PLA2G6: variants seen among roughly 807,000 people sequenced by gnomAD.
PLA2G6 encodes phospholipase A2 group VI.
Under a neutral mutation model 83.8 loss-of-function variants are expected in PLA2G6, and 62 were observed. The ratio of observed to expected loss-of-function variants is 0.74; its 90% CI spans 0.60 to 0.91. PLA2G6 has a LOEUF of 0.91. Among genes scored for constraint, PLA2G6 ranks in the 40% least tolerant of loss-of-function variants. PLA2G6 has a pLI of 0.00. For synonymous variants in PLA2G6, 417 were observed against 449.8 expected (o/e 0.93, Z 0.92); for missense variants, 944 against 1,102.0 (o/e 0.86, Z 2.03).
chr22:38,145,216 G>A, intron 3 of PLA2G6: 1 of 596,818 alleles, frequency 1.7e-6, no homozygotes. Context: ...TTTTCGTAGA[G>A]ACAAGGTCTT....
intron 2 of PLA2G6, among the ~76,000 whole-genome samples, chr22:38,151,979 T>C (rs1055887710): frequency 5.9e-5 from 9 of 152,202 alleles, no homozygotes. Flanking sequence ...CCAAGGCTGT[T>C]TGCTGTATAA....
In PLA2G6 at chr22:38,128,474, T is replaced by C. The variant is rs771721509; in HGVS notation, c.1187-44A>G. 1.9e-6 allele frequency: 3 copies of C among 1,605,398 alleles called. No homozygotes were observed. The African/African-American group carries it at 4.0e-5, about 21-fold the overall frequency. The stretch of plus-strand genomic sequence containing the variant: ...AGGGGAGATGGCACAGGATCAGAAA[T>C]GATGTCAACATGCAAAGGAGAGGCC... On this transcript the variant is annotated intron_variant, in intron 8 of 16. Transcript: ENST00000332509. The surrounding 1 kb of genome is among the most constrained non-coding windows in gnomAD (Gnocchi z 4.4).
intron 2 of PLA2G6, among the ~76,000 whole-genome samples, chr22:38,157,266 A>T (rs563806865): frequency 2.0e-5 from 3 of 152,296 alleles, no homozygotes; most frequent in Admixed American, 1.3e-4. Flanking sequence ...CAGAAATGAC[A>T]AAAGAGATAT....
intron 1 of PLA2G6, among the ~76,000 whole-genome samples, chr22:38,174,808 C>T (rs2090571112): frequency 6.6e-6 from 1 of 152,106 alleles, no homozygotes; most frequent in Admixed American, 6.6e-5. Context: ...GTGGTTAGTG[C>T]TGTGATCAAC....
chr22:38,135,467 G>A, intron 5 of PLA2G6: 1 of 257,964 alleles, frequency 3.9e-6, no homozygotes, highest in Non-Finnish European at 7.8e-6. Context: ...CCAGTTCTGT[G>A]CCTGGCACAC....
chr22:38,126,298 C>T lies in PLA2G6; in HGVS notation c.1427+73G>A, dbSNP rs11570708. On this transcript the variant is annotated intron_variant, in intron 10 of 16. Coordinates refer to ENST00000332509, the MANE Select transcript of PLA2G6 (RefSeq NM_003560.4). The stretch of plus-strand genomic sequence containing the variant: ...GGTGCAGAGAGTAAAGCCCTGAGCC[C>T]ACAACAGGGGGTGGGTGAGGGGCAG... 5.2e-5 allele frequency: 61 copies of T among 1,168,068 alleles called. No individual in the cohort carries two copies. The African/African-American group carries it at 5.7e-4, about 11-fold the overall frequency. The allele number at this position is 1,168,068 out of a possible 1,614,324, so 72.4% of individuals were successfully genotyped here.
rs969398828 is a variant in PLA2G6 at position 38,111,996 on chromosome 22, C to G, written c.*165G>C. The G allele has an allele frequency of 2.8e-5, 21 of 753,214 alleles. No individual in the cohort carries two copies. The highest frequency in any genetic ancestry group is 1.4e-4 in the African/African-American group (8 of 57,610). The allele number at this position is 753,214 out of a possible 1,614,324, so 46.7% of individuals were successfully genotyped here. On this transcript the variant is annotated 3_prime_UTR_variant, in exon 17 of 17. Transcript: ENST00000332509. ...GAAGGCGGGGTTAGTGGGAGACAGG[C>G]CTTCAGGACCAGCCTCGGGCAGGCA...
intron 12 of PLA2G6, among the ~76,000 whole-genome samples, chr22:38,120,296 C>G (rs548552677): frequency 6.6e-6 from 1 of 152,212 alleles, no homozygotes; most frequent in Non-Finnish European, 1.5e-5. Flanking sequence ...CCTAGTAGTC[C>G]GATCCTGGGA....
At chr22:38,115,906 G>A in intron 13 of PLA2G6, 169 bp downstream of exon 13, 1 of 1,462,572 alleles carries the variant, frequency 6.8e-7, no homozygotes, top group Non-Finnish European at 9.2e-7. Context: ...ACCTGCCAGG[G>A]GCCTGACAGC....
intron 1 of PLA2G6, among the ~76,000 whole-genome samples, chr22:38,172,349 G>A (rs563082110): frequency 2.0e-5 from 3 of 152,154 alleles, no homozygotes; most frequent in Non-Finnish European, 2.9e-5. Flanking sequence ...GCAGCTGCTC[G>A]TCTTTTCATC....
At chr22:38,140,491 G>A in intron 4 of PLA2G6, 1 of 314,110 alleles carries the variant, frequency 3.2e-6, no homozygotes, top group Non-Finnish European at 6.2e-6. Context: ...CTGGGCAATA[G>A]AGCAAAAACT....
chr22:38,121,703 C>G (rs1344170461), intron 11 of PLA2G6, among the ~76,000 whole-genome samples: 1 of 152,190 alleles, frequency 6.6e-6, no homozygotes, highest in Non-Finnish European at 1.5e-5. Flanking sequence ...CCCTCCATGG[C>G]CCCTGGGAGT....
chr22:38,115,163 C>A (rs1602064265), intron 14 of PLA2G6, among the ~76,000 whole-genome samples: 1 of 152,238 alleles, frequency 6.6e-6, no homozygotes, highest in Non-Finnish European at 1.5e-5. Flanking sequence ...CACCACAGCA[C>A]CGGCAACCCG....
chr22:38,170,242 G>A (rs1051548977), intron 1 of PLA2G6, among the ~76,000 whole-genome samples: 2 of 148,616 alleles, frequency 1.3e-5, no homozygotes, highest in Admixed American at 6.7e-5. Flanking sequence ...TTTCACTTCC[G>A]CAAACAAAAT....
At chr22:38,121,303 G>A (rs533172514) in intron 11 of PLA2G6, among the ~76,000 whole-genome samples, 4 of 152,240 alleles carry the variant, frequency 2.6e-5, no homozygotes, top group East Asian at 1.9e-4. Flanking sequence ...GCTTGAACCC[G>A]GGAGCGGAGG....
chr22:38,175,686 C>T (rs143668277), intron 1 of PLA2G6, among the ~76,000 whole-genome samples: 68 of 152,314 alleles, frequency 4.5e-4, no homozygotes, highest in South Asian at 3.7e-3. Flanking sequence ...CCCGCACCTC[C>T]GCCCTGCAGC....
intron 7 of PLA2G6, chr22:38,131,292 T>C (rs1602129455): frequency 6.6e-6 from 1 of 152,332 alleles, no homozygotes; most frequent in East Asian, 1.9e-4. Context: ...CCCAAAGTGC[T>C]GGTGTACACG....
At position 38,169,366 on chromosome 22, in the gene PLA2G6, G is replaced by T; in HGVS notation, c.61C>A (p.Pro21Thr). The change falls in exon 2 of 17, where the codon CCA becomes ACA. Residue 21 changes from proline to threonine, a missense_variant. Pro to Thr is a conservative substitution (Grantham distance 38). Coordinates refer to ENST00000332509, the MANE Select transcript of PLA2G6 (RefSeq NM_003560.4). Reference protein sequence around the residue: ...FSGVTNLFSNPFRVKEVAVAD... With the variant: ...FSGVTNLFSNTFRVKEVAVAD... The stretch of plus-strand genomic sequence containing the variant: ...ACAGCCACCTCCTTCACCCGGAATG[G>T]GTTAGAGAACAAGTTGGTGACGCCA... 6.2e-7 allele frequency: 1 copy of T among 1,614,194 alleles called. No individual in the cohort carries two copies. Among genetic ancestry groups the T allele is most frequent in the Non-Finnish European group, 8.5e-7 (1 of 1,180,020 alleles).
At chr22:38,180,140 G>GACACACACACACACAC in intron 1 of PLA2G6, among the ~76,000 whole-genome samples, 1 of 137,818 alleles carries the variant, frequency 7.3e-6, no homozygotes, top group African/African-American at 2.7e-5. Context: ...GATGTCTGCA[G>GACACACACACACACAC]ACACACACAC....
Sources: gnomAD v4.1 joint callset for allele counts (sites outside exome capture counted in the v4.1 genomes callset) on GRCh38, gnomAD v4.1.1 for gene constraint, Gnocchi (gnomAD v3.1) non-coding constraint, MANE v1.5 for transcripts, NCBI Gene and HGNC (gene_info 2026-07-23, HGNC 2026-07-21) for gene names.